The following MYO18A variants were observed in gnomAD, a reference collection of about 807,000 sequenced individuals.
The protein encoded by MYO18A is unconventional myosin-XVIIIa.
MYO18A carries 78 observed loss-of-function variants against 235.8 expected under a neutral mutation model. The ratio of observed to expected loss-of-function variants is 0.33; its 90% confidence interval spans 0.28 to 0.40. The LOEUF (loss-of-function observed/expected upper bound fraction) is 0.40. MYO18A is among the 10% of genes least tolerant of loss of function. The pLI is 1.00. For synonymous variants in MYO18A, 977 were observed against 1,077.8 expected (o/e 0.91, Z 1.83); for missense variants, 2,215 against 2,699.3 (o/e 0.82, Z 3.98).
At chr17:29,103,916 G>T (rs1048293720) in intron 20 of MYO18A, among the ~76,000 whole-genome samples, 1 of 152,254 alleles carries the variant, frequency 6.6e-6, no homozygotes, top group Admixed American at 6.5e-5. Context: ...TCGCACCTAC[G>T]CAAGGCACCT....
intron 34 of MYO18A, 145 bp from the exon 35 acceptor site, chr17:29,091,071 C>T (rs909316387): frequency 1.6e-6 from 1 of 644,122 alleles, no homozygotes; most frequent in Non-Finnish European, 2.7e-6. Flanking sequence ...TAGTGATGCT[C>T]AAGGAGCTGC....
At position 29,074,883 on chromosome 17, in the gene MYO18A, CA is replaced by C; in HGVS notation, c.6051del (p.Asp2018IlefsTer23). On this transcript the variant is annotated frameshift_variant, in exon 42 of 42. Transcript: ENST00000527372. LOFTEE classifies it high-confidence loss of function. The surrounding 1 kb of genome is among the most constrained non-coding windows in gnomAD (Gnocchi z 4.4). ...SPTSYWKSLA[P>X]DRSDDEHDPL... ...GGGTCGTGCTCATCATCTGACCGAT[CA>C]GGGGCAAGGGACTTCCAGTAGCTGG... The C allele has an allele frequency of 6.2e-7, 1 of 1,613,932 alleles. No homozygotes were observed. The highest frequency in any genetic ancestry group is 8.5e-7 in the Non-Finnish European group (1 of 1,179,876).
chr17:29,097,086 C>G lies in MYO18A; in HGVS notation c.4230+137G>C, dbSNP rs1598295391. The G allele has an allele frequency of 6.3e-6, 9 of 1,430,452 alleles. No individual in the cohort carries two copies. In the South Asian group the frequency reaches 1.1e-4, roughly 17 times the overall value. The allele number at this position is 1,430,452 out of a possible 1,614,324, so 88.6% of individuals were successfully genotyped here. A position where few individuals can be genotyped will look rare whatever the true frequency, so the allele number is the denominator to read the frequency against. Reference sequence around the variant, plus strand: ...TAGCTTGCTCCTGATTGCCCCTGCACCAAGAAGCTAACATGCCAGCCTCCC... The same window carrying G: ...TAGCTTGCTCCTGATTGCCCCTGCAGCAAGAAGCTAACATGCCAGCCTCCC... On this transcript the variant is annotated intron_variant, in intron 27 of 41. Coordinates refer to ENST00000527372, the MANE Select transcript of MYO18A (RefSeq NM_078471.4).
Position 29,120,937 on chromosome 17 carries a change from C to A in MYO18A, c.1585+61G>T. 6.4e-7 allele frequency: 1 copy of A among 1,565,334 alleles called. No individual in the cohort carries two copies. Among genetic ancestry groups the A allele is most frequent in the Non-Finnish European group, 8.7e-7 (1 of 1,150,834 alleles). On this transcript the variant is annotated intron_variant, in intron 6 of 41. Coordinates refer to ENST00000527372, the MANE Select transcript of MYO18A (RefSeq NM_078471.4). This position sits in a 1 kb window ranked among gnomAD's most constrained non-coding sequence, Gnocchi z 4.2. ...AAAAGAGCTGGCACTTAAGAGGGTG[C>A]TCTCTCCTCACTCCCCTCCCCTCAC...
chr17:29,080,478 C>G (rs1348125489), intron 41 of MYO18A: 5 of 986,018 alleles, frequency 5.1e-6, no homozygotes, highest in Non-Finnish European at 6.0e-6. Flanking sequence ...GGCCCAGGGA[C>G]AGGCGAGAAT....
rs1017712558 is a variant in MYO18A, at chr17:29,154,613, T to A, written c.999+11329A>T. Among the ~76,000 whole-genome samples, 6 of 152,292 alleles carry A rather than the reference T, an allele frequency of 3.9e-5. No individual in the cohort carries two copies. The East Asian group carries it at 1.2e-3, about 29-fold the overall frequency. On this transcript the variant is annotated intron_variant, in intron 2 of 41. Transcript: ENST00000527372. ...TCTTGCCTCTGTTGATCTTGAGGCA[T>A]GGCCAAGTGAGTGGGGACTCGACCC... is the stretch of plus-strand genomic sequence containing the variant.
intron 40 of MYO18A, among the ~76,000 whole-genome samples, chr17:29,082,950 G>A (rs1399838164): frequency 6.6e-6 from 1 of 152,110 alleles, no homozygotes; most frequent in East Asian, 1.9e-4. Context: ...TTTGGAGTTA[G>A]CTTGAACCTG....
chr17:29,088,312 C>T (rs2066309951), intron 37 of MYO18A, among the ~76,000 whole-genome samples: 1 of 152,142 alleles, frequency 6.6e-6, no homozygotes, highest in South Asian at 2.1e-4. Flanking sequence ...CCTTGGCCTC[C>T]AAAAGTGCTG....
Position 29,166,561 on chromosome 17 carries a change from A to G in MYO18A, c.380T>C (p.Leu127Pro). 6.2e-7 allele frequency: 1 copy of G among 1,613,842 alleles called. No homozygotes were observed. The highest frequency in any genetic ancestry group is 8.5e-7 in the Non-Finnish European group (1 of 1,179,866). ...VLQRAAKFGS[L>P]AKQNSQMIVK... is the part of the protein sequence containing the mutation. ...AATCATCTGTGAGTTCTGCTTGGCC[A>G]GTGAGCCGAACTTGGCTGCCCGCTG... Residue 127 changes from leucine to proline, a missense_variant, in exon 2 of 42, where the codon CTG becomes CCG. Leu to Pro is a moderately conservative substitution (Grantham distance 98). Coordinates refer to ENST00000527372, the MANE Select transcript of MYO18A (RefSeq NM_078471.4).
At chr17:29,097,140 C>CCCTGATGCAGGT in intron 27 of MYO18A, 83 bp downstream of exon 27, 1 of 1,562,214 alleles carries the variant, frequency 6.4e-7, no homozygotes, top group South Asian at 1.2e-5. Flanking sequence ...CCTGCCTGCC[C>CCCTGATGCAGGT]CCAGAGTTCA....
chr17:29,115,002 A>C lies in MYO18A; in HGVS notation c.2416T>G (p.Ser806Ala), dbSNP rs775574863. 1.9e-6 allele frequency: 3 copies of C among 1,613,854 alleles called. No individual in the cohort carries two copies. The highest frequency in any genetic ancestry group is 2.2e-5 in the South Asian group (2 of 91,086). ...TAGTTGTGGCACAGCTCCTCAAAGG[A>C]GGCTCCGCGGGCTGACCCACCCTGC... ...PEQGGSARGA[S>A]FEELCHNYTQ... Residue 806 changes from serine (S) to alanine (A), a missense_variant, in exon 14 of 42, where the codon TCC becomes GCC. Ser to Ala is a moderately conservative substitution (Grantham distance 99, BLOSUM62 1). Transcript: ENST00000527372.
At position 29,111,797 on chromosome 17, in the gene MYO18A, C is replaced by G; in HGVS notation, c.2665G>C (p.Val889Leu). 1 of 1,613,782 alleles carries G rather than the reference C, an allele frequency of 6.2e-7. No individual in the cohort carries two copies. The highest frequency in any genetic ancestry group is 8.5e-7 in the Non-Finnish European group (1 of 1,179,760). ...LLWLLEEEAL[V>L]PGASEDTLLE... ...AGGGTGTCCTCACTGGCCCCTGGCACCAGAGCCTCCTCTTCCAATAGCCAG... is the reference window on the plus strand; with the variant it reads ...AGGGTGTCCTCACTGGCCCCTGGCAGCAGAGCCTCCTCTTCCAATAGCCAG... Residue 889 changes from valine (V) to leucine (L), a missense_variant, in exon 16 of 42, where the codon GTG (valine) becomes CTG (leucine). Val to Leu is a conservative substitution (Grantham distance 32). Transcript: ENST00000527372. This position sits in a 1 kb window ranked among gnomAD's most constrained non-coding sequence, Gnocchi z 5.1.
chr17:29,115,388 T>C lies in MYO18A; in HGVS notation c.2281A>G (p.Ser761Gly), dbSNP rs777054447. 43 of 1,613,828 alleles carry C rather than the reference T, an allele frequency of 2.7e-5. No homozygotes were observed. Among genetic ancestry groups the C allele is most frequent in the Middle Eastern group, 1.6e-4 (1 of 6,084 alleles). ...CLEGMAAGLY[S>G]ELFTLLVSLV... ...GAGACGAGAAGGGTGAAGAGCTCGC[T>C]GTAGAGGCCGGCCGCCATGCCCTCA... Residue 761 changes from serine to glycine, a missense_variant, in exon 13 of 42, where the codon AGC (serine) becomes GGC (glycine). Transcript: ENST00000527372.
chr17:29,127,768 G>A (rs1006060488), intron 2 of MYO18A: 5 of 813,946 alleles, frequency 6.1e-6, no homozygotes, highest in Non-Finnish European at 7.4e-6. Context: ...CGCTGAGGTC[G>A]CTTGGGGAAG....
intron 31 of MYO18A, 83 bp from the exon 32 acceptor site, chr17:29,093,510 T>C: frequency 9.4e-7 from 1 of 1,066,598 alleles, no homozygotes; most frequent in Non-Finnish European, 1.4e-6. Flanking sequence ...GGTTCCCCAC[T>C]CCAGGAAAAC....
intron 2 of MYO18A, chr17:29,128,972 G>C: frequency 4.6e-6 from 5 of 1,077,026 alleles, no homozygotes; most frequent in Non-Finnish European, 6.3e-6. Context: ...ACACAGCAGA[G>C]ATGGAGCATG....
rs1329106033 is a variant in MYO18A at position 29,109,681 on chromosome 17, G to A, written c.3331+177C>T. On this transcript the variant is annotated intron_variant, in intron 19 of 41. Transcript: ENST00000527372. The surrounding 1 kb of genome is among the most constrained non-coding windows in gnomAD (Gnocchi z 4.1). ...GAGGCGGGGACTCTGCAGGATGGAA[G>A]GAAATGGACAAAGGGGCTGTGGGCT... Among the ~76,000 whole-genome samples, 1 of 152,064 alleles carries A rather than the reference G, an allele frequency of 6.6e-6. No individual in the cohort carries two copies. The highest frequency in any genetic ancestry group is 1.5e-5 in the Non-Finnish European group (1 of 67,998).
Position 29,125,317 on chromosome 17 carries a change from C to T in MYO18A, c.1000-3064G>A, listed in dbSNP as rs1218247722. 3.3e-5 allele frequency among the ~76,000 whole-genome samples: 5 copies of T among 152,340 alleles called. No individual in the cohort carries two copies. The East Asian group carries it at 7.7e-4, about 24-fold the overall frequency. On this transcript the variant is annotated intron_variant, in intron 2 of 41. Coordinates refer to ENST00000527372, the MANE Select transcript of MYO18A (RefSeq NM_078471.4). This position sits in a 1 kb window ranked among gnomAD's most constrained non-coding sequence, Gnocchi z 5.1. Reference sequence around the variant, plus strand: ...CTCAACCCCGACGTACCCTATAGCACTCCCACCTCTGCCAGCCAGGCACAC... The same window carrying T: ...CTCAACCCCGACGTACCCTATAGCATTCCCACCTCTGCCAGCCAGGCACAC...
In MYO18A at chr17:29,166,801, T is replaced by C. The variant is rs1192608595; in HGVS notation, c.140A>G (p.Asn47Ser). ...EEMSLRRGFF[N>S]LNRSSKRESK... is the part of the protein sequence containing the mutation. ...TTCACGCTTGGAGGAGCGGTTCAGG[T>C]TGAAGAAGCCACGTCGCAGGCTCAT... Residue 47 changes from asparagine to serine, a missense_variant, in exon 2 of 42, where the codon AAC becomes AGC. Asn to Ser is a conservative substitution (Grantham distance 46). Coordinates refer to ENST00000527372, the MANE Select transcript of MYO18A (RefSeq NM_078471.4). The C allele has an allele frequency of 1.2e-6, 2 of 1,609,048 alleles. No homozygotes were observed. Among genetic ancestry groups the C allele is most frequent in the Non-Finnish European group, 1.7e-6 (2 of 1,177,882 alleles).
Sources: gnomAD v4.1 joint callset for allele counts (sites outside exome capture counted in the v4.1 genomes callset) on GRCh38, gnomAD v4.1.1 for gene constraint, Gnocchi (gnomAD v3.1) non-coding constraint, MANE v1.5 for transcripts, NCBI Gene and HGNC (gene_info 2026-07-23, HGNC 2026-07-21) for gene names.